The following ARFIP1 variants were observed in gnomAD, a reference collection of about 807,000 sequenced individuals.
The protein encoded by ARFIP1 is ARF interacting protein 1.
In ARFIP1, 24 loss-of-function variants were observed where a neutral mutation model predicts 42.5. The ratio of observed to expected loss-of-function variants is 0.57; its 90% CI spans 0.41 to 0.80. ARFIP1 has a LOEUF of 0.80. ARFIP1 is among the 30% of genes least tolerant of loss of function. The pLI is 0.00. For synonymous variants in ARFIP1, 141 were observed against 153.7 expected (o/e 0.92, Z 0.61); for missense variants, 354 against 434.0 (o/e 0.82, Z 1.64).
intron 2 of ARFIP1, among the ~76,000 whole-genome samples, chr4:152,845,778 A>G (rs777222080): frequency 3.9e-5 from 6 of 152,194 alleles, no homozygotes; most frequent in Non-Finnish European, 7.3e-5. Flanking sequence ...CCACTGTGGA[A>G]AGCAGTTTGG....
At chr4:152,863,783 T>C (rs921068684) in intron 3 of ARFIP1, 69 bp downstream of exon 3, 3 of 973,152 alleles carry the variant, frequency 3.1e-6, no homozygotes, top group Non-Finnish European at 4.8e-6. Flanking sequence ...ATGCTACCTT[T>C]ATTAATAAAG....
At chr4:152,819,005 C>T (rs551509444) in intron 1 of ARFIP1, among the ~76,000 whole-genome samples, 3 of 152,246 alleles carry the variant, frequency 2.0e-5, no homozygotes, top group Admixed American at 6.5e-5. Flanking sequence ...CTTGCCTGAC[C>T]CAGCCCCCAC....
At chr4:152,847,994 C>A (rs1440970208) in intron 2 of ARFIP1, among the ~76,000 whole-genome samples, 1 of 152,040 alleles carries the variant, frequency 6.6e-6, no homozygotes, top group African/African-American at 2.4e-5. Flanking sequence ...AGCTTAGGAC[C>A]CCCTGAACCC....
intron 1 of ARFIP1, among the ~76,000 whole-genome samples, chr4:152,827,505 G>A (rs907930559): frequency 2.0e-5 from 3 of 152,032 alleles, no homozygotes; most frequent in Admixed American, 6.5e-5. Context: ...ACATGTATCC[G>A]CCACTGTAGT....
intron 8 of ARFIP1, among the ~76,000 whole-genome samples, chr4:152,908,706 C>A (rs1579060145): frequency 1.3e-5 from 2 of 152,010 alleles, no homozygotes; most frequent in African/African-American, 4.8e-5. Flanking sequence ...TTAAGAAATT[C>A]TTTCACATAT....
intron 2 of ARFIP1, among the ~76,000 whole-genome samples, chr4:152,850,104 A>G (rs1732863399): frequency 6.6e-6 from 1 of 152,208 alleles, no homozygotes; most frequent in Admixed American, 6.5e-5. Flanking sequence ...TTTACATATC[A>G]TTATTACTAT....
intron 8 of ARFIP1, among the ~76,000 whole-genome samples, chr4:152,899,165 CT>C (rs959213780): frequency 2.6e-5 from 4 of 151,928 alleles, no homozygotes; most frequent in Admixed American, 6.6e-5. Context: ...ATATGTATCC[CT>C]TTTTTTTGGA....
chr4:152,789,402 T>C (rs893000644), intron 1 of ARFIP1, among the ~76,000 whole-genome samples: 3 of 152,178 alleles, frequency 2.0e-5, no homozygotes, highest in Non-Finnish European at 4.4e-5. Flanking sequence ...GAATACAAAC[T>C]ATTAATATGA....
chr4:152,829,755 A>G, intron 2 of ARFIP1, 29 bp downstream of exon 2: 2 of 1,512,332 alleles, frequency 1.3e-6, no homozygotes, highest in Non-Finnish European at 9.0e-7. Flanking sequence ...CTCTTAATGC[A>G]AAGAATCATG....
At chr4:152,805,759 A>G (rs534732743) in intron 1 of ARFIP1, among the ~76,000 whole-genome samples, 5 of 152,350 alleles carry the variant, frequency 3.3e-5, no homozygotes, top group South Asian at 2.1e-4. Context: ...CAACAATGCT[A>G]TGAGGTAGGT....
At chr4:152,824,435 C>T (rs558077967) in intron 1 of ARFIP1, among the ~76,000 whole-genome samples, 1 of 151,884 alleles carries the variant, frequency 6.6e-6, no homozygotes, top group African/African-American at 2.4e-5. Flanking sequence ...GAATTAAAAA[C>T]AAAAATGGTA....
intron 2 of ARFIP1, among the ~76,000 whole-genome samples, chr4:152,857,363 A>G (rs71620229): frequency 0.17 from 26,616 of 152,200 alleles, 2,472 homozygotes; most frequent in African/African-American, 0.23. Context: ...ACTAAAATAA[A>G]TTCTAAGTCT....
rs1327278620 is a variant in ARFIP1, at chr4:152,911,497, C to T, written c.*1278C>T. ...TTTAATGTGGTTGCCCTGTCCACTACATGGTTCTATCAGTAGTGTAATCCA... is the reference window on the plus strand; with the variant it reads ...TTTAATGTGGTTGCCCTGTCCACTATATGGTTCTATCAGTAGTGTAATCCA... On this transcript the variant is annotated 3_prime_UTR_variant, in exon 9 of 9. Transcript: ENST00000353617. 6.6e-6 allele frequency: 1 copy of T among 152,388 alleles called. No homozygotes were observed. The highest frequency in any genetic ancestry group is 1.5e-5 in the Non-Finnish European group (1 of 68,018). 9.4% of individuals were successfully genotyped at this position (152,388 alleles called of 1,614,324 possible).
intron 8 of ARFIP1, 62 bp from the exon 9 acceptor site, chr4:152,910,002 C>A: frequency 6.5e-7 from 1 of 1,538,834 alleles, no homozygotes; most frequent in South Asian, 1.2e-5. Flanking sequence ...TGTAATAAAT[C>A]ACTCTCTATT....
intron 8 of ARFIP1, among the ~76,000 whole-genome samples, chr4:152,908,891 A>AGTGTGTGTGTGTGT (rs58362465): frequency 2.3e-4 from 31 of 132,562 alleles, no homozygotes; most frequent in East Asian, 1.3e-3. Context: ...GCTAGAGAGA[A>AGTGTGTGTGTGTGT]GTGTGTGTGT....
intron 8 of ARFIP1, among the ~76,000 whole-genome samples, chr4:152,908,071 T>A (rs1459645547): frequency 6.6e-6 from 1 of 152,216 alleles, no homozygotes; most frequent in East Asian, 1.9e-4. Flanking sequence ...CATGTTAGTT[T>A]TAATTTGAGT....
chr4:152,791,233 T>C (rs1731131347), intron 1 of ARFIP1, among the ~76,000 whole-genome samples: 1 of 152,196 alleles, frequency 6.6e-6, no homozygotes, highest in African/African-American at 2.4e-5. Flanking sequence ...TTTGAACATA[T>C]TGTGTGGTAA....
At chr4:152,789,195 A>G (rs1731001911) in intron 1 of ARFIP1, among the ~76,000 whole-genome samples, 2 of 142,304 alleles carry the variant, frequency 1.4e-5, no homozygotes, top group Non-Finnish European at 3.0e-5. Flanking sequence ...GGTTCAAGCG[A>G]TTTTCCTGTC....
At chr4:152,887,126 C>T (rs1479302611) in intron 7 of ARFIP1, among the ~76,000 whole-genome samples, 3 of 151,930 alleles carry the variant, frequency 2.0e-5, no homozygotes, top group Non-Finnish European at 4.4e-5. Flanking sequence ...GGTCACTTTG[C>T]TTCTTCTTTG....
Sources: allele counts gnomAD v4.1 joint callset (sites outside exome capture counted in the v4.1 genomes callset), GRCh38; gene constraint gnomAD v4.1.1; transcripts MANE v1.5; gene names NCBI Gene and HGNC (gene_info 2026-07-23, HGNC 2026-07-21).